Variants in GRHL2 observed in about 807,000 individuals in gnomAD.
The protein encoded by GRHL2 is grainyhead like transcription factor 2.
In GRHL2, 21 loss-of-function variants were observed where a neutral mutation model predicts 83.8. That is an observed-to-expected ratio of 0.25 (90% CI 0.18 to 0.36). The LOEUF is 0.36. Among genes scored for constraint, GRHL2 ranks in the 10% least tolerant of loss-of-function variants. GRHL2 has a pLI of 1.00. For synonymous variants in GRHL2, 280 were observed against 278.9 expected, an observed-to-expected ratio of 1.00 and a Z score of -0.04; for missense variants, 623 against 781.8, an observed-to-expected ratio of 0.80 and a Z score of 2.42.
At chr8:101,565,640 T>C (rs1031061145) in intron 4 of GRHL2, among the ~76,000 whole-genome samples, 2 of 152,222 alleles carry the variant, frequency 1.3e-5, no homozygotes, top group Non-Finnish European at 2.9e-5. Context: ...TTACTGACTT[T>C]AGTCATATTG....
At chr8:101,601,051 T>A (rs1461102701) in intron 8 of GRHL2, among the ~76,000 whole-genome samples, 1 of 151,892 alleles carries the variant, frequency 6.6e-6, no homozygotes, top group African/African-American at 2.4e-5. Flanking sequence ...TCCTAGCTAC[T>A]CAAGAGGCAG....
intron 1 of GRHL2, among the ~76,000 whole-genome samples, chr8:101,499,180 A>C (rs1208699796): frequency 6.6e-6 from 1 of 152,226 alleles, no homozygotes; most frequent in Admixed American, 6.5e-5. Flanking sequence ...AATGTACAGA[A>C]GATTCAAATC....
intron 8 of GRHL2, among the ~76,000 whole-genome samples, chr8:101,605,765 C>G (rs1018936787): frequency 3.9e-5 from 6 of 152,202 alleles, no homozygotes; most frequent in African/African-American, 1.4e-4. Context: ...TGCTGATTAG[C>G]CTAACACTAG....
chr8:101,600,225 G>T (rs1421140235), intron 8 of GRHL2, among the ~76,000 whole-genome samples: 2 of 152,156 alleles, frequency 1.3e-5, no homozygotes, highest in Non-Finnish European at 2.9e-5. Flanking sequence ...TAGAGTGCCC[G>T]TACAGCCTGG....
intron 7 of GRHL2, among the ~76,000 whole-genome samples, chr8:101,589,061 G>A (rs944089343): frequency 8.5e-5 from 13 of 152,116 alleles, no homozygotes; most frequent in East Asian, 1.9e-4. Context: ...CTAATCCTAC[G>A]TGCCTATAAC....
intron 14 of GRHL2, among the ~76,000 whole-genome samples, chr8:101,652,462 TGTGTG>T (rs1813671935): frequency 1.1e-5 from 1 of 93,102 alleles, no homozygotes; most frequent in African/African-American, 5.7e-5. Context: ...GTGTCTGGTG[TGTGTG>T]GTGTGTGTGT....
At chr8:101,493,878 C>T (rs1156639472) in intron 1 of GRHL2, among the ~76,000 whole-genome samples, 1 of 151,784 alleles carries the variant, frequency 6.6e-6, no homozygotes, top group East Asian at 2.0e-4. Flanking sequence ...CCCCCCTGGC[C>T]GGCCCCCGCC....
chr8:101,680,042 A>G, the GRHL2 span, among the ~76,000 whole-genome samples: 6 of 119,490 alleles, frequency 5.0e-5, no homozygotes, highest in Admixed American at 1.8e-4. Context: ...ACCAGCTATC[A>G]TCATAATGAC....
chr8:101,528,625 G>T lies in GRHL2; in HGVS notation c.21-14616G>T, dbSNP rs112457609. 976 of 178,224 alleles carry T rather than the reference G, an allele frequency of 5.5e-3. 5 individuals carry two copies. Among genetic ancestry groups the T allele is most frequent in the African/African-American group, 0.022 (927 of 41,816 alleles). 11.0% of individuals were successfully genotyped at this position (178,224 alleles called of 1,614,324 possible). A position where few individuals can be genotyped will look rare whatever the true frequency, so the allele number is the denominator to read the frequency against. On this transcript the variant is annotated intron_variant, in intron 1 of 15. Transcript: ENST00000646743. The stretch of plus-strand genomic sequence containing the variant: ...GTGACCGAGAAGAATCACAGAAATG[G>T]AAACCACTGGAGAACAGAAAGCAGC...
intron 1 of GRHL2, among the ~76,000 whole-genome samples, chr8:101,533,809 C>T (rs993132398): frequency 6.6e-6 from 1 of 152,110 alleles, no homozygotes; most frequent in Non-Finnish European, 1.5e-5. Context: ...GAAGATGAAA[C>T]AGCTGAAGTC....
intron 1 of GRHL2, among the ~76,000 whole-genome samples, chr8:101,525,636 G>T (rs565189770): frequency 1.8e-4 from 28 of 152,046 alleles, no homozygotes; most frequent in South Asian, 1.5e-3. Flanking sequence ...GATTCCAGGT[G>T]TGTACCACCA....
At chr8:101,600,113 G>A (rs1304096555) in intron 8 of GRHL2, among the ~76,000 whole-genome samples, 1 of 152,184 alleles carries the variant, frequency 6.6e-6, no homozygotes, top group Non-Finnish European at 1.5e-5. Flanking sequence ...GGAGTTTGCA[G>A]GCACGGCCAC....
At chr8:101,538,735 A>G (rs1188410476) in intron 1 of GRHL2, among the ~76,000 whole-genome samples, 4 of 152,162 alleles carry the variant, frequency 2.6e-5, no homozygotes, top group African/African-American at 7.2e-5. Context: ...ACAAGTCTAC[A>G]TTTTTGCTCA....
intron 12 of GRHL2, among the ~76,000 whole-genome samples, chr8:101,642,413 C>A (rs545526924): frequency 2.6e-5 from 4 of 152,270 alleles, no homozygotes; most frequent in African/African-American, 9.6e-5. Flanking sequence ...AGCTTAGGAA[C>A]CCTCACACAG....
At chr8:101,599,987 G>C (rs1812477116) in intron 8 of GRHL2, among the ~76,000 whole-genome samples, 1 of 152,164 alleles carries the variant, frequency 6.6e-6, no homozygotes, top group African/African-American at 2.4e-5. Context: ...GACCATCTAG[G>C]AGGGTGTTAG....
chr8:101,496,176 G>C (rs1810100450), intron 1 of GRHL2, among the ~76,000 whole-genome samples: 1 of 150,090 alleles, frequency 6.7e-6, no homozygotes, highest in South Asian at 2.1e-4. Context: ...TACAGGTCAT[G>C]ATAAACTGCC....
intron 15 of GRHL2, among the ~76,000 whole-genome samples, chr8:101,665,976 A>G (rs968578031): frequency 1.3e-5 from 2 of 152,208 alleles, no homozygotes; most frequent in African/African-American, 4.8e-5. Flanking sequence ...TGTCAGAATG[A>G]GGTAAAGCTA....
At chr8:101,542,549 G>A (rs1880635) in intron 1 of GRHL2, among the ~76,000 whole-genome samples, 64,154 of 146,800 alleles carry the variant, frequency 0.44, 15,943 homozygotes, top group Non-Finnish European at 0.55. Context: ...GTGAAACTCC[G>A]TCTCAGAAAA....
chr8:101,535,650 T>A (rs1811029902), intron 1 of GRHL2, among the ~76,000 whole-genome samples: 1 of 152,180 alleles, frequency 6.6e-6, no homozygotes, highest in Non-Finnish European at 1.5e-5. Flanking sequence ...GCAATTTTCC[T>A]GCCTCAGCCT....
Sources: gnomAD v4.1 joint callset for allele counts (sites outside exome capture counted in the v4.1 genomes callset) on GRCh38, gnomAD v4.1.1 for gene constraint, MANE v1.5 for transcripts, NCBI Gene and HGNC (gene_info 2026-07-23, HGNC 2026-07-21) for gene names.